The following PGM5 variants were observed in gnomAD, a reference collection of about 807,000 sequenced individuals.
PGM5 encodes the protein phosphoglucomutase 5, also known as phosphoglucomutase-like protein 5.
In PGM5, 23 loss-of-function variants were observed where a neutral mutation model predicts 59.2. That is an observed-to-expected ratio of 0.39 (90% CI 0.28 to 0.55). The LOEUF is 0.55. PGM5 is among the 20% of genes least tolerant of loss of function. The probability of loss-of-function intolerance (pLI) is 0.66; values close to 1 mark genes in which losing one functional copy is unlikely to be tolerated. For synonymous variants in PGM5, 214 were observed against 286.0 expected, an observed-to-expected ratio of 0.75 and a Z score of 2.54; for missense variants, 574 against 748.3, an observed-to-expected ratio of 0.77 and a Z score of 2.72.
intron 3 of PGM5, 81 bp from the exon 4 acceptor site, chr9:68,387,382 A>G: frequency 8.5e-7 from 1 of 1,178,926 alleles, no homozygotes; most frequent in South Asian, 1.3e-5. Flanking sequence ...TCATGCTCTT[A>G]AGGTAGTGAT....
At chr9:68,387,858 G>A (rs1396516716) in intron 4 of PGM5, among the ~76,000 whole-genome samples, 2 of 151,886 alleles carry the variant, frequency 1.3e-5, no homozygotes, top group African/African-American at 4.8e-5. Context: ...CATATGCATG[G>A]CATAGTTTAA....
At chr9:68,407,355 AC>A (rs1822841572) in intron 6 of PGM5, among the ~76,000 whole-genome samples, 1 of 151,534 alleles carries the variant, frequency 6.6e-6, no homozygotes, top group African/African-American at 2.4e-5. Context: ...CTCGTCTCAA[AC>A]TCCTGGACTC....
At chr9:68,443,030 C>G (rs1437348054) in intron 6 of PGM5, among the ~76,000 whole-genome samples, 1 of 152,212 alleles carries the variant, frequency 6.6e-6, no homozygotes, top group Non-Finnish European at 1.5e-5. Flanking sequence ...CCATATGACC[C>G]TGTACTCCCA....
At chr9:68,371,212 A>C (rs555766599) in intron 1 of PGM5, among the ~76,000 whole-genome samples, 2 of 152,188 alleles carry the variant, frequency 1.3e-5, no homozygotes, top group African/African-American at 4.8e-5. Context: ...CCCAGACCCT[A>C]TGGTGTGGGA....
intron 6 of PGM5, among the ~76,000 whole-genome samples, chr9:68,460,569 C>T (rs1245150088): frequency 6.6e-6 from 1 of 152,078 alleles, no homozygotes; most frequent in Non-Finnish European, 1.5e-5. Context: ...TAATTCATAC[C>T]TGGAGAAATT....
chr9:68,522,381 G>T (rs771302139), intron 10 of PGM5, among the ~76,000 whole-genome samples: 1 of 152,168 alleles, frequency 6.6e-6, no homozygotes, highest in African/African-American at 2.4e-5. Flanking sequence ...GAATCAGAGG[G>T]TTTGGCAACT....
In PGM5 at chr9:68,519,373, A is replaced by G. The variant is rs900301657; in HGVS notation, c.1615-10194A>G. Among the ~76,000 whole-genome samples, 19 of 152,302 alleles carry G rather than the reference A, an allele frequency of 1.2e-4. 1 individual carries two copies. In the East Asian group the frequency reaches 3.1e-3, roughly 25 times the overall value. ...AATTATACAACCACAGTAACTAAAC[A>G]CCATGAGCATAATTGTAGTTAAGGT... On this transcript the variant is annotated intron_variant, in intron 10 of 10. Transcript: ENST00000396396.
At chr9:68,417,480 A>G (rs1197070300) in intron 6 of PGM5, among the ~76,000 whole-genome samples, 2 of 152,140 alleles carry the variant, frequency 1.3e-5, no homozygotes, top group African/African-American at 4.8e-5. Flanking sequence ...TTGATCAATT[A>G]TCCTGGATGA....
At chr9:68,382,640 G>C (rs1338792845) in intron 2 of PGM5, among the ~76,000 whole-genome samples, 24 of 151,612 alleles carry the variant, frequency 1.6e-4, no homozygotes, top group African/African-American at 5.8e-4. Context: ...CTGTAGATTT[G>C]CCGTATCCTT....
rs3064033 is a variant in PGM5, at chr9:68,511,545, C to CTTTTTTTTTTT, written c.1614+12199_1614+12209dup. Among the ~76,000 whole-genome samples the CTTTTTTTTTTT allele has an allele frequency of 1.1e-4, 7 of 62,736 alleles. 2 individuals are homozygous for CTTTTTTTTTTT. The highest frequency in any genetic ancestry group is 1.7e-4 in the African/African-American group (3 of 17,196). The allele number at this position is 62,736 out of a possible 152,430, so 41.2% of individuals were successfully genotyped here. A position where few individuals can be genotyped will look rare whatever the true frequency, so the allele number is the denominator to read the frequency against. On this transcript the variant is annotated intron_variant, in intron 10 of 10. Transcript: ENST00000396396. ...TTGTCACTAATGTTATTGTTTTTGCCTTTTTTTTTTTTTTTTTTTTTTTTT... is the reference window on the plus strand; with the variant it reads ...TTGTCACTAATGTTATTGTTTTTGCCTTTTTTTTTTTTTTTTTTTTTTTTTTTTTTTTTTTT...
chr9:68,426,613 A>AT (rs58295629), intron 6 of PGM5, among the ~76,000 whole-genome samples: 4,856 of 136,130 alleles, frequency 0.036, 168 homozygotes, highest in East Asian at 0.17. Context: ...TCTCTTTATT[A>AT]TTTTTTTTTT....
chr9:68,381,009 G>T (rs1287383983), intron 2 of PGM5, among the ~76,000 whole-genome samples: 1 of 151,834 alleles, frequency 6.6e-6, no homozygotes, highest in African/African-American at 2.4e-5. Flanking sequence ...AACATTCAAA[G>T]AATAATTATT....
chr9:68,444,831 C>T (rs551324053), intron 6 of PGM5, among the ~76,000 whole-genome samples: 62 of 152,210 alleles, frequency 4.1e-4, no homozygotes, highest in African/African-American at 1.5e-3. Flanking sequence ...TACAGATAAG[C>T]AAAGAAGGGG....
chr9:68,374,631 G>C (rs1397332463), intron 1 of PGM5, among the ~76,000 whole-genome samples: 4 of 151,226 alleles, frequency 2.6e-5, no homozygotes. Flanking sequence ...TGGCTGGCAA[G>C]GTGGTGCTGG....
chr9:68,494,049 C>A (rs1364313120), intron 9 of PGM5, among the ~76,000 whole-genome samples: 2 of 152,172 alleles, frequency 1.3e-5, no homozygotes, highest in African/African-American at 4.8e-5. Context: ...TACCCACACT[C>A]CTCCCCACCA....
chr9:68,405,097 A>C (rs1431700210), intron 6 of PGM5: 1 of 152,220 alleles, frequency 6.6e-6, no homozygotes. Context: ...GTCTATGAAG[A>C]TGGAAGACAA....
At chr9:68,406,279 G>C (rs2132034055) in intron 6 of PGM5, 1 of 151,930 alleles carries the variant, frequency 6.6e-6, no homozygotes, top group South Asian at 2.1e-4. Flanking sequence ...GGTAATTTAT[G>C]AAGAAAAGGA....
intron 9 of PGM5, chr9:68,497,531 C>T (rs1824500726): frequency 1.3e-5 from 2 of 152,160 alleles, no homozygotes; most frequent in Admixed American, 1.3e-4. Flanking sequence ...CATAAAGACA[C>T]TCAGATGGAA....
Position 68,437,494 on chromosome 9 carries a change from A to G in PGM5, c.1044-27599A>G, listed in dbSNP as rs868979423. Among the ~76,000 whole-genome samples, 3 of 152,154 alleles carry G rather than the reference A, an allele frequency of 2.0e-5. No individual in the cohort carries two copies. The highest frequency in any genetic ancestry group is 4.1e-4 in the South Asian group (2 of 4,820). On this transcript the variant is annotated intron_variant, in intron 6 of 10. Transcript: ENST00000396396. The surrounding 1 kb of genome is among the most constrained non-coding windows in gnomAD (Gnocchi z 4.1). ...CACGATACTGTATTACAAAGCTGCTAAACAACAAATGGTTTTTCTACAGAT... is the reference window on the plus strand; with the variant it reads ...CACGATACTGTATTACAAAGCTGCTGAACAACAAATGGTTTTTCTACAGAT...
Sources: allele counts gnomAD v4.1 joint callset (sites outside exome capture counted in the v4.1 genomes callset), GRCh38; gene constraint gnomAD v4.1.1; non-coding constraint Gnocchi (gnomAD v3.1); transcripts MANE v1.5; gene names NCBI Gene and HGNC (gene_info 2026-07-23, HGNC 2026-07-21).